The following UTRN variants were observed in gnomAD, a reference collection of about 807,000 sequenced individuals.
UTRN encodes the protein dystrophin-related protein 1.
Under a neutral mutation model 463.9 loss-of-function variants are expected in UTRN, and 283 were observed. The ratio of observed to expected loss-of-function variants is 0.61; its 90% confidence interval spans 0.55 to 0.67. The LOEUF (loss-of-function observed/expected upper bound fraction) is 0.67. Among genes scored for constraint, UTRN ranks in the 30% least tolerant of loss-of-function variants. UTRN has a pLI of 0.00. For synonymous variants in UTRN, 1,442 were observed against 1,431.5 expected (o/e 1.01, Z -0.17); for missense variants, 3,922 against 4,084.3 (o/e 0.96, Z 1.08).
At chr6:144,705,959 T>A (rs1586128184) in intron 53 of UTRN, among the ~76,000 whole-genome samples, 1 of 151,796 alleles carries the variant, frequency 6.6e-6, no homozygotes, top group East Asian at 1.9e-4. Context: ...TGATTATGCA[T>A]TTGTAGATTT....
At chr6:144,447,528 A>G in intron 15 of UTRN, 74 bp from the exon 16 acceptor site, 1 of 1,545,236 alleles carries the variant, frequency 6.5e-7, no homozygotes, top group Middle Eastern at 1.7e-4. Flanking sequence ...ATACATGTTT[A>G]AAATTTTTGG....
intron 51 of UTRN, among the ~76,000 whole-genome samples, chr6:144,655,182 G>A (rs9484893): frequency 0.026 from 3,901 of 152,320 alleles, 166 homozygotes; most frequent in African/African-American, 0.087. Flanking sequence ...TTCATCAGGG[G>A]ACTCAGGCCT....
At chr6:144,747,759 T>A (rs1166187927) in intron 54 of UTRN, among the ~76,000 whole-genome samples, 1 of 152,196 alleles carries the variant, frequency 6.6e-6, no homozygotes, top group Non-Finnish European at 1.5e-5. Flanking sequence ...CTAAGGTATG[T>A]TATTTGTCTT....
chr6:144,485,705 A>G (rs1473860469), intron 28 of UTRN, among the ~76,000 whole-genome samples, 186 bp downstream of exon 28: 3 of 152,150 alleles, frequency 2.0e-5, no homozygotes, highest in Non-Finnish European at 2.9e-5. Flanking sequence ...ATTATTGGTG[A>G]CCCATTATAT....
At chr6:144,485,260 A>C in intron 27 of UTRN, 125 bp from the exon 28 acceptor site, 1 of 1,366,738 alleles carries the variant, frequency 7.3e-7, no homozygotes, top group Non-Finnish European at 1.0e-6. Flanking sequence ...CAACTCCATC[A>C]GTTCTGAATT....
At chr6:144,351,319 A>T (rs962883215) in intron 2 of UTRN, among the ~76,000 whole-genome samples, 10 of 152,210 alleles carry the variant, frequency 6.6e-5, no homozygotes, top group Non-Finnish European at 1.2e-4. Context: ...CATTAGTTTA[A>T]ATGAGGCCCC....
chr6:144,638,888 C>T (rs1192806744), intron 51 of UTRN, among the ~76,000 whole-genome samples: 4 of 151,846 alleles, frequency 2.6e-5, no homozygotes, highest in African/African-American at 7.3e-5. Context: ...GCATGAGCAA[C>T]ATAACGAGAC....
In UTRN at chr6:144,851,083, A is replaced by C; in HGVS notation, c.*86A>C. ...CAATTCCAAGTTCCATTAAATCAGA[A>C]GCTCCATGGCTCCTTGGCCCACGAT... On this transcript the variant is annotated 3_prime_UTR_variant, in exon 75 of 75. Transcript: ENST00000367545. 6.3e-7 allele frequency: 1 copy of C among 1,576,870 alleles called. No individual in the cohort carries two copies. Among genetic ancestry groups the C allele is most frequent in the South Asian group, 1.1e-5 (1 of 90,304 alleles).
At chr6:144,796,320 AGGC>A (rs1207939423) in intron 63 of UTRN, among the ~76,000 whole-genome samples, 1 of 152,152 alleles carries the variant, frequency 6.6e-6, no homozygotes, top group Non-Finnish European at 1.5e-5. Flanking sequence ...CATTTCCTAA[AGGC>A]TCTACCTCCT....
rs116473978 is a variant in UTRN, at chr6:144,531,316, A to G, written c.6057+114A>G. ...TTAATTTTTCAGAAGTCAATGGACAATTTGTAATTTTTGTTCCAATTCTTG... is the reference window on the plus strand; with the variant it reads ...TTAATTTTTCAGAAGTCAATGGACAGTTTGTAATTTTTGTTCCAATTCTTG... On this transcript the variant is annotated intron_variant, in intron 42 of 74. Coordinates refer to ENST00000367545, the MANE Select transcript of UTRN (RefSeq NM_007124.3). The G allele has an allele frequency of 9.4e-4, 1,051 of 1,116,982 alleles. 1 individual carries two copies. The African/African-American group carries it at 0.014, about 15-fold the overall frequency. 69.2% of individuals were successfully genotyped at this position (1,116,982 alleles called of 1,614,324 possible).
chr6:144,492,781 A>T (rs968968914), intron 32 of UTRN, among the ~76,000 whole-genome samples: 2 of 152,180 alleles, frequency 1.3e-5, no homozygotes, highest in Non-Finnish European at 2.9e-5. Flanking sequence ...TTATAGTTAT[A>T]TACATCTTGA....
Position 144,730,514 on chromosome 6 carries a change from A to G in UTRN, c.7939+28A>G, listed in dbSNP as rs187850435. The stretch of plus-strand genomic sequence containing the variant: ...GAGACTGGTTTCTCCACTACATCAT[A>G]AAAACACATGCTAGGAGAACAAAAA... On this transcript the variant is annotated intron_variant, in intron 54 of 74. Transcript: ENST00000367545. The G allele has an allele frequency of 3.0e-5, 47 of 1,576,432 alleles. No homozygotes were observed. The African/African-American group carries it at 6.2e-4, about 21-fold the overall frequency.
At position 144,490,365 on chromosome 6, in the gene UTRN, A is replaced by G. The variant is rs951786216; in HGVS notation, c.4263+166A>G. ...TTGCATCCTAGGGCAGCAGAAACAA[A>G]TTGTTGCATGTGTGGAAAAATATGA... On this transcript the variant is annotated intron_variant, in intron 31 of 74. Coordinates refer to ENST00000367545, the MANE Select transcript of UTRN (RefSeq NM_007124.3). Among the ~76,000 whole-genome samples, 80 of 152,210 alleles carry G rather than the reference A, an allele frequency of 5.3e-4. 3 individuals are homozygous for G. The highest frequency in any genetic ancestry group is 2.9e-5 in the Non-Finnish European group (2 of 68,036).
intron 58 of UTRN, among the ~76,000 whole-genome samples, chr6:144,767,738 A>G (rs904950315): frequency 7.2e-5 from 11 of 152,202 alleles, no homozygotes; most frequent in Non-Finnish European, 8.8e-5. Flanking sequence ...TACTTTGCAC[A>G]GCAAAGAAGA....
intron 19 of UTRN, among the ~76,000 whole-genome samples, chr6:144,455,365 G>C (rs1485914634): frequency 6.6e-6 from 1 of 152,168 alleles, no homozygotes; most frequent in Non-Finnish European, 1.5e-5. Context: ...TACTTGAAGA[G>C]ATCCAGAGAC....
At chr6:144,844,349 ACCT>A in intron 73 of UTRN, among the ~76,000 whole-genome samples, 1 of 151,322 alleles carries the variant, frequency 6.6e-6, no homozygotes, top group South Asian at 2.1e-4. Flanking sequence ...GGTCTGTATA[ACCT>A]CCACCTCCCA....
chr6:144,662,048 C>G (rs185285134), intron 51 of UTRN, among the ~76,000 whole-genome samples: 61 of 152,010 alleles, frequency 4.0e-4, no homozygotes, highest in African/African-American at 1.4e-3. Flanking sequence ...AAGGCGAACT[C>G]AAAGAAACAG....
At chr6:144,383,194 AG>A (rs1258961367) in intron 2 of UTRN, among the ~76,000 whole-genome samples, 1 of 152,146 alleles carries the variant, frequency 6.6e-6, no homozygotes, top group Non-Finnish European at 1.5e-5. Context: ...AGCCTCCCAA[AG>A]TGTTGGGATT....
chr6:144,389,157 G>A (rs1781680211), intron 2 of UTRN, among the ~76,000 whole-genome samples: 1 of 152,204 alleles, frequency 6.6e-6, no homozygotes, highest in Non-Finnish European at 1.5e-5. Flanking sequence ...GGAAAGGCAG[G>A]ACAACTCGAA....
Sources: allele counts gnomAD v4.1 joint callset (sites outside exome capture counted in the v4.1 genomes callset), GRCh38; gene constraint gnomAD v4.1.1; transcripts MANE v1.5; gene names NCBI Gene and HGNC (gene_info 2026-07-23, HGNC 2026-07-21).